Variants in PRKG1 observed in about 807,000 individuals in gnomAD.
PRKG1 encodes cGMP-dependent protein kinase 1.
A neutral mutation model predicts 88.1 loss-of-function variants in PRKG1; 35 were observed. The ratio of observed to expected loss-of-function variants is 0.40; its 90% confidence interval spans 0.30 to 0.53. The LOEUF is 0.53. Ranked by LOEUF, PRKG1 falls within the 20% of genes least tolerant of loss-of-function variation. PRKG1 has a pLI of 0.59. For missense variants in PRKG1, 540 were observed against 839.8 expected (o/e 0.64, Z 4.41); for synonymous variants, 303 against 292.5 (o/e 1.04, Z -0.37).
intron 3 of PRKG1, among the ~76,000 whole-genome samples, chr10:51,555,631 T>A (rs1265297514): frequency 6.6e-6 from 1 of 152,010 alleles, no homozygotes; most frequent in Non-Finnish European, 1.5e-5. Flanking sequence ...GAAGCACCAA[T>A]GAAACACTAA....
upstream of PRKG1, among the ~76,000 whole-genome samples, chr10:51,070,388 C>A (rs1843810178): frequency 1.4e-5 from 2 of 140,350 alleles, no homozygotes; most frequent in African/African-American, 2.5e-5. Flanking sequence ...GCTTTAAAAT[C>A]TAGATTCCTA....
At chr10:51,411,576 C>G (rs1838090669) in intron 2 of PRKG1, among the ~76,000 whole-genome samples, 1 of 152,180 alleles carries the variant, frequency 6.6e-6, no homozygotes, top group African/African-American at 2.4e-5. Context: ...AAAGGTTCCT[C>G]TAAGACTCAG....
rs183334368 is a variant in PRKG1 at position 52,154,558 on chromosome 10, A to G, written c.1002-7331A>G. Among the ~76,000 whole-genome samples the G allele has an allele frequency of 2.0e-3, 310 of 152,372 alleles. 1 individual carries two copies. The highest frequency in any genetic ancestry group is 7.2e-3 in the African/African-American group (298 of 41,602). ...TATAAATATTTAAGATAGAATATTT[A>G]TAATATCAAAATTGTGTGTAGGAAA... On this transcript the variant is annotated intron_variant, in intron 8 of 17. Coordinates refer to ENST00000373980, the MANE Select transcript of PRKG1 (RefSeq NM_006258.4).
chr10:52,177,210 T>C (rs1838889716), intron 9 of PRKG1, among the ~76,000 whole-genome samples: 1 of 152,170 alleles, frequency 6.6e-6, no homozygotes, highest in African/African-American at 2.4e-5. Flanking sequence ...TGAGAGTTTA[T>C]ATTATGAAGG....
chr10:51,250,648 A>G (rs1403995228), intron 2 of PRKG1, among the ~76,000 whole-genome samples: 2 of 151,812 alleles, frequency 1.3e-5, no homozygotes, highest in Non-Finnish European at 2.9e-5. Flanking sequence ...AGCTTAGAAA[A>G]GCACTTGCCT....
chr10:51,978,739 A>G (rs548146025), intron 5 of PRKG1, among the ~76,000 whole-genome samples: 2 of 152,094 alleles, frequency 1.3e-5, no homozygotes, highest in African/African-American at 2.4e-5. Flanking sequence ...ATGGGACTGC[A>G]TTCCTGATTT....
intron 3 of PRKG1, among the ~76,000 whole-genome samples, chr10:51,631,082 G>A (rs556734166): frequency 6.6e-6 from 1 of 152,300 alleles, no homozygotes; most frequent in Non-Finnish European, 1.5e-5. Flanking sequence ...TACAAAAAGG[G>A]CTTGGAGAAT....
At chr10:51,110,827 G>A (rs1018706204) in intron 1 of PRKG1, among the ~76,000 whole-genome samples, 3 of 152,040 alleles carry the variant, frequency 2.0e-5, no homozygotes, top group Non-Finnish European at 2.9e-5. Flanking sequence ...GCCCAACTGC[G>A]GAATCCACTT....
intron 5 of PRKG1, among the ~76,000 whole-genome samples, chr10:51,990,473 C>T (rs1444802424): frequency 6.6e-6 from 1 of 151,872 alleles, no homozygotes; most frequent in Non-Finnish European, 1.5e-5. Flanking sequence ...CGTAGTATTT[C>T]TTTACTTTTT....
At chr10:52,176,792 T>G (rs1589675624) in intron 9 of PRKG1, among the ~76,000 whole-genome samples, 1 of 152,200 alleles carries the variant, frequency 6.6e-6, no homozygotes, top group East Asian at 1.9e-4. Flanking sequence ...AGAATTGCCT[T>G]CTTTATTTCT....
At chr10:51,589,550 G>T (rs935781304) in intron 3 of PRKG1, among the ~76,000 whole-genome samples, 7 of 152,130 alleles carry the variant, frequency 4.6e-5, no homozygotes, top group Admixed American at 3.3e-4. Flanking sequence ...CTTGAACCAG[G>T]AGGCGGAGGT....
chr10:51,167,134 G>A (rs184523515), intron 2 of PRKG1, among the ~76,000 whole-genome samples: 66 of 152,210 alleles, frequency 4.3e-4, no homozygotes, highest in African/African-American at 1.4e-3. Context: ...GGAAATAAGC[G>A]AAATACTTTC....
At chr10:51,840,622 C>T (rs1840250275) in intron 4 of PRKG1, among the ~76,000 whole-genome samples, 1 of 151,998 alleles carries the variant, frequency 6.6e-6, no homozygotes, top group Admixed American at 6.6e-5. Context: ...CCTCAGCTCA[C>T]TGGAACCTCT....
intron 3 of PRKG1, among the ~76,000 whole-genome samples, chr10:51,611,614 T>A (rs547930365): frequency 1.3e-5 from 2 of 152,030 alleles, no homozygotes; most frequent in Non-Finnish European, 2.9e-5. Flanking sequence ...ATTTTTGCTG[T>A]GCAGAAGCCT....
At position 51,320,411 on chromosome 10, in the gene PRKG1, T is replaced by G. The variant is rs143305489; in HGVS notation, c.479-147312T>G. ...ATTCAGGGCAACTGCCTGACCCTTC[T>G]GCTCCCAGAACTAGGAAACTTATAT... On this transcript the variant is annotated intron_variant, in intron 2 of 17. Coordinates refer to ENST00000373980, the MANE Select transcript of PRKG1 (RefSeq NM_006258.4). 658 of 156,958 alleles carry G rather than the reference T, an allele frequency of 4.2e-3. 10 individuals carry two copies. Among genetic ancestry groups the G allele is most frequent in the East Asian group, 0.03 (172 of 5,654 alleles). 9.7% of individuals were successfully genotyped at this position (156,958 alleles called of 1,614,324 possible). A position where few individuals can be genotyped will look rare whatever the true frequency, so the allele number is the denominator to read the frequency against.
chr10:51,362,914 T>G (rs1227889342), intron 2 of PRKG1, among the ~76,000 whole-genome samples: 1 of 151,910 alleles, frequency 6.6e-6, no homozygotes, highest in Admixed American at 6.6e-5. Flanking sequence ...TTGCTGAGCC[T>G]TCTTTTAAGG....
chr10:51,485,403 T>TAGACA (rs1381328845), intron 3 of PRKG1, among the ~76,000 whole-genome samples: 3 of 152,174 alleles, frequency 2.0e-5, no homozygotes, highest in Non-Finnish European at 4.4e-5. Context: ...GGAGGGTGGT[T>TAGACA]AGACAGAACT....
chr10:52,184,158 G>C lies in PRKG1; in HGVS notation c.1076+22195G>C, dbSNP rs12266206. Among the ~76,000 whole-genome samples, 505 of 152,180 alleles carry C rather than the reference G, an allele frequency of 3.3e-3. 4 individuals carry two copies. The highest frequency in any genetic ancestry group is 0.012 in the African/African-American group (493 of 41,506). On this transcript the variant is annotated intron_variant, in intron 9 of 17. Coordinates refer to ENST00000373980, the MANE Select transcript of PRKG1 (RefSeq NM_006258.4). The stretch of plus-strand genomic sequence containing the variant: ...TATTATTTTATTTTGTTAAAGTTTT[G>C]CTTTTTAAAATGTTACTATTCAAGA...
At position 50,991,801 on chromosome 10, in the gene PRKG1, T is replaced by A. The variant is rs1332271507; in HGVS notation, c.266+157T>A. On this transcript the variant is annotated intron_variant, in intron 1 of 17. Coordinates refer to the PRKG1 transcript ENST00000401604. This position sits in a 1 kb window ranked among gnomAD's most constrained non-coding sequence, Gnocchi z 4.5. Reference sequence around the variant, plus strand: ...GGCCCCGCGGCCCGGGAATGGGAAGTGTTTATTTTTATTTCTGCCCATCAC... The same window carrying A: ...GGCCCCGCGGCCCGGGAATGGGAAGAGTTTATTTTTATTTCTGCCCATCAC... 2.6e-5 allele frequency among the ~76,000 whole-genome samples: 4 copies of A among 151,174 alleles called. No individual in the cohort carries two copies. The highest frequency in any genetic ancestry group is 9.7e-5 in the African/African-American group (4 of 41,208).
Sources: allele counts gnomAD v4.1 joint callset (sites outside exome capture counted in the v4.1 genomes callset), GRCh38; gene constraint gnomAD v4.1.1; non-coding constraint Gnocchi (gnomAD v3.1); transcripts MANE v1.5; gene names NCBI Gene and HGNC (gene_info 2026-07-23, HGNC 2026-07-21).